The following USP8 variants were observed in gnomAD, a reference collection of about 807,000 sequenced individuals.
The protein encoded by USP8 is ubiquitin specific peptidase 8.
A neutral mutation model predicts 130.0 loss-of-function variants in USP8; 27 were observed. That is an observed-to-expected ratio of 0.21 (90% CI 0.15 to 0.29). USP8 has a LOEUF of 0.29. Among genes scored for constraint, USP8 ranks in the 10% least tolerant of loss-of-function variants. The pLI is 1.00. For missense variants in USP8, 1,029 were observed against 1,312.2 expected (o/e 0.78, Z 3.33); for synonymous variants, 392 against 444.1 (o/e 0.88, Z 1.48).
chr15:50,497,329 A>G, intron 18 of USP8, 98 bp downstream of exon 18: 3 of 1,401,108 alleles, frequency 2.1e-6, no homozygotes, highest in South Asian at 1.5e-5. Context: ...CCATGGGCAC[A>G]TAACAAAGGG....
intron 1 of USP8, among the ~76,000 whole-genome samples, chr15:50,436,780 C>T (rs2050104707): frequency 6.6e-6 from 1 of 152,172 alleles, no homozygotes; most frequent in South Asian, 2.1e-4. Flanking sequence ...AGCAATTCTC[C>T]TGCCTTAGCC....
rs1407465997 is a variant in USP8 at position 50,499,245 on chromosome 15, GACAAATA to G, written c.*161_*167del. The G allele has an allele frequency of 1.8e-6, 1 of 570,280 alleles. No individual in the cohort carries two copies. Among genetic ancestry groups the G allele is most frequent in the Non-Finnish European group, 2.7e-6 (1 of 371,982 alleles). The allele number at this position is 570,280 out of a possible 1,614,324, so 35.3% of individuals were successfully genotyped here. A position where few individuals can be genotyped will look rare whatever the true frequency, so the allele number is the denominator to read the frequency against. ...GCACTATATAATTCCGGTCAGTGCT[GACAAATA>G]ACATTTAACAAGTATTGCAGTAATC... is the stretch of plus-strand genomic sequence containing the variant. On this transcript the variant is annotated 3_prime_UTR_variant, in exon 20 of 20. Transcript: ENST00000307179.
At chr15:50,497,691 T>G (rs2052470629) in intron 18 of USP8, 1 of 152,246 alleles carries the variant, frequency 6.6e-6, no homozygotes, top group South Asian at 2.1e-4. Context: ...ATGGAAAAGA[T>G]CTAGTCCTAT....
rs71124362 is a variant in USP8, at chr15:50,504,997, A to AAT, written c.*5909_*5910insAT. ...ACTCCATCTCAAAAAAAAAAAAAAA[A>AAT]GAATAAACTATAAAATGAAGTTGGG... On this transcript the variant is annotated 3_prime_UTR_variant, in exon 20 of 20. Coordinates refer to ENST00000307179, the MANE Select transcript of USP8 (RefSeq NM_005154.5). 0.08 allele frequency: 11,826 copies of AAT among 148,730 alleles called. 609 individuals are homozygous for AAT. Among genetic ancestry groups the AAT allele is most frequent in the South Asian group, 0.11 (540 of 4,732 alleles). The allele number at this position is 148,730 out of a possible 1,614,324, so 9.2% of individuals were successfully genotyped here. A position where few individuals can be genotyped will look rare whatever the true frequency, so the allele number is the denominator to read the frequency against.
chr15:50,471,378 A>C (rs1312225912), intron 7 of USP8, among the ~76,000 whole-genome samples: 1 of 152,212 alleles, frequency 6.6e-6, no homozygotes, highest in African/African-American at 2.4e-5. Context: ...TTAAAAGGTC[A>C]GAATGAAAAG....
At chr15:50,458,958 T>G in intron 4 of USP8, 42 bp from the exon 5 acceptor site, 1 of 1,608,158 alleles carries the variant, frequency 6.2e-7, no homozygotes, top group Non-Finnish European at 8.5e-7. Flanking sequence ...TTTCCACGAT[T>G]AACGCCAATA....
intron 5 of USP8, among the ~76,000 whole-genome samples, chr15:50,460,223 C>G (rs1294033978): frequency 2.0e-5 from 3 of 150,374 alleles, no homozygotes; most frequent in African/African-American, 7.4e-5. Flanking sequence ...GTCTCGAACT[C>G]CTGACCTCCA....
intron 1 of USP8, among the ~76,000 whole-genome samples, chr15:50,430,279 G>A (rs995350786): frequency 5.3e-5 from 8 of 152,250 alleles, no homozygotes; most frequent in African/African-American, 1.9e-4. Context: ...CCGGGGAGGT[G>A]GAGGTTTTGG....
chr15:50,445,561 A>AAAAG, intron 3 of USP8, among the ~76,000 whole-genome samples: 1 of 130,900 alleles, frequency 7.6e-6, no homozygotes, highest in African/African-American at 2.8e-5. Flanking sequence ...AAAAAAAAAA[A>AAAAG]AAAAAAAAGC....
Position 50,500,672 on chromosome 15 carries a change from G to T in USP8, c.*1584G>T. The T allele has an allele frequency of 8.4e-7, 1 of 1,193,190 alleles. No homozygotes were observed. The allele number at this position is 1,193,190 out of a possible 1,614,324, so 73.9% of individuals were successfully genotyped here. On this transcript the variant is annotated 3_prime_UTR_variant, in exon 20 of 20. Coordinates refer to ENST00000307179, the MANE Select transcript of USP8 (RefSeq NM_005154.5). The stretch of plus-strand genomic sequence containing the variant: ...CCTGGCTCTTAACGCTTTTGTATTG[G>T]TATGGAAAAGGGCTGGCAGCTATAG...
intron 3 of USP8, among the ~76,000 whole-genome samples, chr15:50,448,231 G>A (rs573979603): frequency 6.6e-6 from 1 of 152,236 alleles, no homozygotes; most frequent in South Asian, 2.1e-4. Context: ...TACAAATTAT[G>A]ATTATTATAA....
chr15:50,433,021 C>T (rs1340228388), intron 1 of USP8, among the ~76,000 whole-genome samples: 1 of 152,170 alleles, frequency 6.6e-6, no homozygotes, highest in Non-Finnish European at 1.5e-5. Flanking sequence ...GCGGGCGGAT[C>T]ACCTGAGGTC....
chr15:50,485,069 T>C (rs985734873), intron 12 of USP8, among the ~76,000 whole-genome samples: 1 of 152,196 alleles, frequency 6.6e-6, no homozygotes, highest in Non-Finnish European at 1.5e-5. Flanking sequence ...GGCACAGCAA[T>C]ATACTTAGTA....
chr15:50,445,652 C>A (rs1595913512), intron 3 of USP8, among the ~76,000 whole-genome samples: 1 of 147,990 alleles, frequency 6.8e-6, no homozygotes, highest in South Asian at 2.2e-4. Context: ...GAGTTCAAGA[C>A]CAGCCTGGCC....
At chr15:50,461,931 CTGAA>C (rs1263579748) in intron 5 of USP8, among the ~76,000 whole-genome samples, 5 of 151,996 alleles carry the variant, frequency 3.3e-5, no homozygotes, top group Non-Finnish European at 7.4e-5. Context: ...GTGGAGGACA[CTGAA>C]TGGGATAGCC....
chr15:50,471,414 A>T (rs2051371204), intron 7 of USP8, among the ~76,000 whole-genome samples: 1 of 152,152 alleles, frequency 6.6e-6, no homozygotes, highest in Admixed American at 6.6e-5. Context: ...TATAGTCTCT[A>T]ATAACTACTA....
chr15:50,484,277 A>T lies in USP8; in HGVS notation c.1806A>T (p.Pro602=), dbSNP rs1227025818. The stretch of plus-strand genomic sequence containing the variant: ...CTGTAATTTTAATAATTTTACAGCC[A>T]TTTAAGATTAAAGGACAACCAGAAA... ...SVTGDSGSGK[P]FKIKGQPESG... The change falls in exon 12 of 20, where the codon CCA becomes CCT. Residue 602 remains proline (P), a splice_region_variant and synonymous_variant. Transcript: ENST00000307179. The T allele has an allele frequency of 1.2e-6, 2 of 1,607,884 alleles. No individual in the cohort carries two copies. The highest frequency in any genetic ancestry group is 1.7e-6 in the Non-Finnish European group (2 of 1,177,494).
At chr15:50,426,655 G>A (rs902168550) in intron 1 of USP8, among the ~76,000 whole-genome samples, 7 of 152,182 alleles carry the variant, frequency 4.6e-5, no homozygotes, top group African/African-American at 1.7e-4. Context: ...CACGTGACTT[G>A]AACAGTATGG....
At chr15:50,485,404 C>T (rs566058183) in intron 12 of USP8, among the ~76,000 whole-genome samples, 4 of 149,110 alleles carry the variant, frequency 2.7e-5, no homozygotes, top group African/African-American at 4.9e-5. Context: ...GAGTCGAGAT[C>T]GGGCCACTGC....
Sources: gnomAD v4.1 joint callset for allele counts (sites outside exome capture counted in the v4.1 genomes callset) on GRCh38, gnomAD v4.1.1 for gene constraint, MANE v1.5 for transcripts, NCBI Gene and HGNC (gene_info 2026-07-23, HGNC 2026-07-21) for gene names.